HUWE1: variants seen among roughly 807,000 people sequenced by gnomAD.
HUWE1 encodes E3 ubiquitin-protein ligase HUWE1.
In HUWE1, 18 loss-of-function variants were observed where a neutral mutation model predicts 299.4. The ratio of observed to expected loss-of-function variants is 0.06; its 90% CI spans 0.04 to 0.09. HUWE1 has a LOEUF of 0.09. HUWE1 is among the 10% of genes least tolerant of loss of function. HUWE1 has a pLI of 1.00. For missense variants in HUWE1, 1,832 were observed against 3,462.3 expected, an observed-to-expected ratio of 0.53 and a Z score of 11.82; for synonymous variants, 1,317 against 1,286.1, an observed-to-expected ratio of 1.02 and a Z score of -0.51.
Position 53,532,997 on chromosome X carries a change from C to A in HUWE1, c.*312G>T, listed in dbSNP as rs2060838281. Reference sequence around the variant, plus strand: ...CAGCAAATCCTTCTGAACACAGAATCTGAGGAGCACACTGTTCAAACAGTT... The same window carrying A: ...CAGCAAATCCTTCTGAACACAGAATATGAGGAGCACACTGTTCAAACAGTT... On this transcript the variant is annotated 3_prime_UTR_variant, in exon 84 of 84. Transcript: ENST00000262854. The A allele has an allele frequency of 4.5e-6, 1 of 222,272 alleles. No individual in the cohort carries two copies. The highest frequency in any genetic ancestry group is 8.2e-6 in the Non-Finnish European group (1 of 122,629). 18.3% of individuals were successfully genotyped at this position (222,272 alleles called of 1,213,427 possible).
At chrX:53,572,565 G>A (rs1556952777) in intron 47 of HUWE1, among the ~76,000 whole-genome samples, 2 of 111,509 alleles carry the variant, frequency 1.8e-5, no homozygotes, top group Non-Finnish European at 3.8e-5. Context: ...GCACCCTTAC[G>A]GGAAAAAATA....
intron 19 of HUWE1, among the ~76,000 whole-genome samples, chrX:53,621,903 G>C (rs155441): frequency 9.0e-6 from 1 of 111,101 alleles, no homozygotes; most frequent in Non-Finnish European, 1.9e-5. Context: ...GCATGATGAC[G>C]TTAGCATAGG....
chrX:53,561,983 G>A, intron 54 of HUWE1, 59 bp from the exon 55 acceptor site: 3 of 1,211,176 alleles, frequency 2.5e-6, no homozygotes, highest in East Asian at 3.0e-5. Context: ...GAAGCCTGGT[G>A]CCATGGCCAC....
At chrX:53,570,181 C>G (rs182007117) in intron 47 of HUWE1, among the ~76,000 whole-genome samples, 6 of 110,361 alleles carry the variant, frequency 5.4e-5, no homozygotes, top group Non-Finnish European at 1.9e-5. Context: ...TGGCTATTCA[C>G]AGGCATGATC....
intron 12 of HUWE1, 102 bp downstream of exon 12, chrX:53,630,833 T>C: frequency 1.9e-6 from 1 of 532,004 alleles, no homozygotes; most frequent in Admixed American, 2.6e-5. Context: ...GCTACCTAGG[T>C]AACTATAATA....
chrX:53,682,762 A>C (rs1185521357), intron 2 of HUWE1, among the ~76,000 whole-genome samples: 1 of 111,398 alleles, frequency 9.0e-6, no homozygotes, highest in African/African-American at 3.3e-5. Context: ...AGAGCAAGGC[A>C]GGGAAAAGGG....
intron 3 of HUWE1, among the ~76,000 whole-genome samples, chrX:53,666,168 A>T (rs782462319): frequency 7.2e-5 from 8 of 111,736 alleles, no homozygotes; most frequent in Non-Finnish European, 1.3e-4. Flanking sequence ...TTGAAAACTA[A>T]AAATGCCTGA....
intron 22 of HUWE1, among the ~76,000 whole-genome samples, chrX:53,615,521 C>G (rs1416594201): frequency 9.0e-6 from 1 of 111,475 alleles, no homozygotes; most frequent in Admixed American, 9.5e-5. Flanking sequence ...AGCCACTGCA[C>G]CCAGGCTAAA....
At chrX:53,607,375 TTA>T in intron 25 of HUWE1, 146 bp downstream of exon 25, 1 of 497,938 alleles carries the variant, frequency 2.0e-6, no homozygotes, top group African/African-American at 2.4e-5. Flanking sequence ...ACACTATATA[TTA>T]GTCACAAAAT....
rs781924595 is a variant in HUWE1, at chrX:53,592,654, A to G, written c.3742-26T>C. The G allele has an allele frequency of 2.4e-5, 26 of 1,072,356 alleles. No homozygotes were observed. In the East Asian group the frequency reaches 7.4e-4, roughly 31 times the overall value. 88.4% of individuals were successfully genotyped at this position (1,072,356 alleles called of 1,213,427 possible). On this transcript the variant is annotated intron_variant, in intron 32 of 83. Coordinates refer to ENST00000262854, the MANE Select transcript of HUWE1 (RefSeq NM_031407.7). ...CTGTAAGTAATTTGAAAAGTGTGTG[A>G]AAATCATTTTGCTTCAATTCAAAGC...
chrX:53,586,458 C>A, intron 39 of HUWE1, 32 bp downstream of exon 39: 1 of 1,033,150 alleles, frequency 9.7e-7, no homozygotes, highest in Non-Finnish European at 1.4e-6. Context: ...GAAGCTAAAC[C>A]GTCCTGCAGT....
chrX:53,569,016 C>A, intron 48 of HUWE1, 142 bp from the exon 49 acceptor site: 1 of 510,815 alleles, frequency 2.0e-6, no homozygotes, highest in Non-Finnish European at 3.4e-6. Context: ...GGTGAGAACA[C>A]ACTCCCTAAG....
Position 53,563,640 on chromosome X carries a change from C to T in HUWE1, c.7105+106G>A, listed in dbSNP as rs192895615. On this transcript the variant is annotated intron_variant, in intron 52 of 83. Transcript: ENST00000262854. The stretch of plus-strand genomic sequence containing the variant: ...CAAGACAAGCAGCGATCTAGGCTGG[C>T]TATGAGCCCTTAGGCAGAGCTGAGC... 1.8e-4 allele frequency: 156 copies of T among 890,253 alleles called. No individual in the cohort carries two copies. In the East Asian group the frequency reaches 5.3e-3, roughly 30 times the overall value. 73.4% of individuals were successfully genotyped at this position (890,253 alleles called of 1,213,427 possible).
intron 28 of HUWE1, among the ~76,000 whole-genome samples, chrX:53,602,068 A>T (rs991050105): frequency 1.1e-4 from 12 of 112,153 alleles, no homozygotes; most frequent in African/African-American, 3.2e-4. Context: ...TATAATTTAA[A>T]TTTTCTAGTA....
At chrX:53,676,439 T>A (rs1226690817) in intron 3 of HUWE1, among the ~76,000 whole-genome samples, 2 of 111,204 alleles carry the variant, frequency 1.8e-5, no homozygotes, top group Admixed American at 1.9e-4. Flanking sequence ...AATAAAAAGG[T>A]AGAGAAGAAT....
intron 28 of HUWE1, among the ~76,000 whole-genome samples, chrX:53,601,414 G>A (rs1295942465): frequency 5.4e-5 from 6 of 110,310 alleles, no homozygotes; most frequent in African/African-American, 2.0e-4. Context: ...GAACTCCTGG[G>A]CTCAAACGAT....
intron 47 of HUWE1, among the ~76,000 whole-genome samples, chrX:53,570,463 C>T (rs781832288): frequency 1.7e-3 from 196 of 112,237 alleles, no homozygotes; most frequent in Non-Finnish European, 3.4e-3. Flanking sequence ...GTGCTATAAA[C>T]CCTTCAGTGT....
At position 53,538,715 on chromosome X, in the gene HUWE1, C is replaced by A. The variant is rs889645212; in HGVS notation, c.11878+120G>T. On this transcript the variant is annotated intron_variant, in intron 76 of 83. Transcript: ENST00000262854. ...GTGTATGTACACACACACACACACA[C>A]ACACACACACTCTCTCTCTCTCTCT... 1.5e-5 allele frequency: 10 copies of A among 683,076 alleles called. No homozygotes were observed. In the African/African-American group the frequency reaches 2.0e-4, roughly 13 times the overall value. The allele number at this position is 683,076 out of a possible 1,213,427, so 56.3% of individuals were successfully genotyped here.
chrX:53,665,287 C>T (rs1180852912), intron 3 of HUWE1, among the ~76,000 whole-genome samples: 3 of 112,020 alleles, frequency 2.7e-5, no homozygotes, highest in Non-Finnish European at 5.6e-5. Context: ...GAAAAATAGC[C>T]TTTACTCACC....
Sources: allele counts gnomAD v4.1 joint callset (sites outside exome capture counted in the v4.1 genomes callset), GRCh38; gene constraint gnomAD v4.1.1; transcripts MANE v1.5; gene names NCBI Gene and HGNC (gene_info 2026-07-23, HGNC 2026-07-21).